Variants in DACH2 observed in about 807,000 individuals in gnomAD.
DACH2 encodes dachshund homolog 2.
Under a neutral mutation model 35.8 loss-of-function variants are expected in DACH2, and 17 were observed. That is an observed-to-expected ratio of 0.48 (90% CI 0.33 to 0.71). The LOEUF is 0.71. Ranked by LOEUF, DACH2 falls within the 30% of genes least tolerant of loss-of-function variation. DACH2 has a pLI of 0.02. For synonymous variants in DACH2, 195 were observed against 177.3 expected (o/e 1.10, Z -0.79); for missense variants, 469 against 472.7 (o/e 0.99, Z 0.07).
intron 1 of DACH2, among the ~76,000 whole-genome samples, chrX:86,312,431 G>T (rs1485458045): frequency 9.0e-6 from 1 of 111,300 alleles, no homozygotes; most frequent in East Asian, 2.8e-4. Context: ...ACATGTCTAT[G>T]GGGTCAAGTT....
At chrX:86,522,400 T>TA (rs2038568806) in intron 3 of DACH2, among the ~76,000 whole-genome samples, 1 of 111,584 alleles carries the variant, frequency 9.0e-6, no homozygotes, top group African/African-American at 3.3e-5. Flanking sequence ...GTAAGTCCCT[T>TA]AGGATCTATT....
At chrX:86,763,780 G>A (rs1210008310) in intron 7 of DACH2, among the ~76,000 whole-genome samples, 6 of 111,810 alleles carry the variant, frequency 5.4e-5, no homozygotes, top group Admixed American at 2.8e-4. Context: ...GGAATTTCTG[G>A]TTTTGGGTAA....
chrX:86,751,954 G>A (rs2041778240), intron 7 of DACH2, among the ~76,000 whole-genome samples: 1 of 111,597 alleles, frequency 9.0e-6, no homozygotes, highest in Admixed American at 9.6e-5. Context: ...TGGAGCTGGA[G>A]GCCAATTATC....
chrX:86,603,648 G>T (rs2039820106), intron 3 of DACH2, among the ~76,000 whole-genome samples: 1 of 110,837 alleles, frequency 9.0e-6, no homozygotes, highest in Non-Finnish European at 1.9e-5. Context: ...TGATTTCATT[G>T]TTTTTTACTA....
At chrX:86,385,096 CAT>C (rs1361141767) in intron 2 of DACH2, among the ~76,000 whole-genome samples, 1 of 111,430 alleles carries the variant, frequency 9.0e-6, no homozygotes, top group African/African-American at 3.2e-5. Context: ...GTTAGTGTAA[CAT>C]AGTTTGTCAA....
intron 11 of DACH2, among the ~76,000 whole-genome samples, chrX:86,819,019 T>C (rs2042481537): frequency 9.3e-6 from 1 of 107,524 alleles, no homozygotes; most frequent in East Asian, 2.9e-4. Flanking sequence ...ATAGTATATA[T>C]ACATAATGTA....
intron 1 of DACH2, among the ~76,000 whole-genome samples, chrX:86,269,909 G>A (rs2033781719): frequency 9.3e-6 from 1 of 107,800 alleles, no homozygotes; most frequent in Non-Finnish European, 1.9e-5. Flanking sequence ...AATAAGATGA[G>A]TGGTTCAAAG....
chrX:86,581,427 G>A lies in DACH2; in HGVS notation c.640+67036G>A, dbSNP rs758185849. Among the ~76,000 whole-genome samples, 27 of 78,659 alleles carry A rather than the reference G, an allele frequency of 3.4e-4. No homozygotes were observed. In the South Asian group the frequency reaches 0.014, roughly 40 times the overall value. The allele number at this position is 78,659 out of a possible 115,157, so 68.3% of individuals were successfully genotyped here. On this transcript the variant is annotated intron_variant, in intron 3 of 11. Coordinates refer to ENST00000373125, the MANE Select transcript of DACH2 (RefSeq NM_053281.3). Reference sequence around the variant, plus strand: ...TGCTCCAGCTAAAAGGCACAGAGTGGCAAAGTGGGAGAAATAAGCAAGACT... The same window carrying A: ...TGCTCCAGCTAAAAGGCACAGAGTGACAAAGTGGGAGAAATAAGCAAGACT...
At chrX:86,403,727 A>G (rs2036475223) in intron 2 of DACH2, among the ~76,000 whole-genome samples, 1 of 112,087 alleles carries the variant, frequency 8.9e-6, no homozygotes, top group Non-Finnish European at 1.9e-5. Context: ...TCTGCCAGAA[A>G]GACACATGCA....
intron 1 of DACH2, among the ~76,000 whole-genome samples, chrX:86,182,773 G>C (rs242866): frequency 0.074 from 7,632 of 103,418 alleles, 624 homozygotes; most frequent in African/African-American, 0.25. Context: ...GGTCAGTATG[G>C]CCATTTTCAC....
At chrX:86,540,613 T>G (rs1252260104) in intron 3 of DACH2, among the ~76,000 whole-genome samples, 2 of 112,478 alleles carry the variant, frequency 1.8e-5, no homozygotes, top group African/African-American at 6.5e-5. Flanking sequence ...GTTGCTGAAC[T>G]TACAGCTGTT....
intron 1 of DACH2, among the ~76,000 whole-genome samples, chrX:86,246,978 A>G (rs775366885): frequency 8.9e-6 from 1 of 112,051 alleles, no homozygotes; most frequent in East Asian, 2.8e-4. Context: ...AAAGGGATAG[A>G]GAAAAATCTA....
intron 1 of DACH2, among the ~76,000 whole-genome samples, chrX:86,291,733 A>T (rs1250576767): frequency 1.1e-5 from 1 of 87,376 alleles, no homozygotes; most frequent in Non-Finnish European, 2.2e-5. Context: ...ACATTTATTG[A>T]TTTTCGCATA....
At chrX:86,309,307 G>A (rs749199642) in intron 1 of DACH2, among the ~76,000 whole-genome samples, 13 of 112,247 alleles carry the variant, frequency 1.2e-4, no homozygotes, top group East Asian at 8.4e-4. Context: ...TGGTTTGATT[G>A]CTTGAGCAAA....
intron 2 of DACH2, among the ~76,000 whole-genome samples, chrX:86,426,416 C>T (rs1196212385): frequency 9.0e-6 from 1 of 111,294 alleles, no homozygotes; most frequent in African/African-American, 3.3e-5. Context: ...TATGATGTTA[C>T]TCTAAAAACA....
chrX:86,164,817 T>C (rs992010229), intron 1 of DACH2, among the ~76,000 whole-genome samples: 8 of 111,804 alleles, frequency 7.2e-5, no homozygotes, highest in African/African-American at 2.6e-4. Flanking sequence ...ACCAGTACCA[T>C]GCTGTTTTGG....
chrX:86,391,276 C>T (rs2036196861), intron 2 of DACH2, among the ~76,000 whole-genome samples: 1 of 60,213 alleles, frequency 1.7e-5, no homozygotes, highest in African/African-American at 7.2e-5. Flanking sequence ...GAGTGAGGCT[C>T]TGTCTTAAAA....
chrX:86,360,472 C>T (rs1216905870), intron 1 of DACH2, among the ~76,000 whole-genome samples: 1 of 111,131 alleles, frequency 9.0e-6, no homozygotes, highest in Non-Finnish European at 1.9e-5. Context: ...TTGTTTTTCC[C>T]CAAGAAAATA....
chrX:86,761,103 G>T (rs1407826446), intron 7 of DACH2, among the ~76,000 whole-genome samples: 1 of 111,239 alleles, frequency 9.0e-6, no homozygotes, highest in South Asian at 3.8e-4. Flanking sequence ...AGGTATACAT[G>T]TGCCATGGTG....
Sources: gnomAD v4.1 joint callset for allele counts (sites outside exome capture counted in the v4.1 genomes callset) on GRCh38, gnomAD v4.1.1 for gene constraint, MANE v1.5 for transcripts, NCBI Gene and HGNC (gene_info 2026-07-23, HGNC 2026-07-21) for gene names.